The following SLC19A1 variants were observed in gnomAD, a reference collection of about 807,000 sequenced individuals.
SLC19A1 encodes the protein reduced folate transporter.
A neutral mutation model predicts 35.3 loss-of-function variants in SLC19A1; 37 were observed. The observed-to-expected ratio is 1.05, with a 90% CI of 0.81 to 1.38. The LOEUF is 1.38. Ranked by LOEUF, SLC19A1 falls within the 40% of genes most tolerant of loss-of-function variation. The pLI, the probability that SLC19A1 is intolerant of heterozygous loss-of-function variation, is 0.00. For synonymous variants in SLC19A1, 460 were observed against 398.5 expected (o/e 1.15, Z -1.84); for missense variants, 831 against 826.9 (o/e 1.00, Z -0.06).
downstream of SLC19A1, chr21:45,509,272 C>T (rs1373497856): frequency 2.6e-6 from 4 of 1,517,916 alleles, no homozygotes; most frequent in Non-Finnish European, 3.5e-6. Flanking sequence ...CAGCCCCTCT[C>T]ACCCAGCCCA....
chr21:45,546,737 T>C (rs1381377099), upstream of SLC19A1, among the ~76,000 whole-genome samples: 1 of 152,236 alleles, frequency 6.6e-6, no homozygotes, highest in East Asian at 1.9e-4. Context: ...GTTTGAAGCC[T>C]ACACTGCCTG....
chr21:45,511,064 CCACACCCCCACACACCACACACACATA>C, downstream of SLC19A1: 3 of 804,490 alleles, frequency 3.7e-6, no homozygotes, highest in Non-Finnish European at 5.7e-6. Flanking sequence ...CCACACCCAT[CCACACCCCCACACACCACACACACATA>C]CACACGGTTT....
chr21:45,532,259 T>G (rs1349130340), intron 2 of SLC19A1, 111 bp from the exon 3 acceptor site: 2 of 843,728 alleles, frequency 2.4e-6, no homozygotes, highest in East Asian at 5.0e-5. Context: ...CAACACTGCC[T>G]GGTGGGACCC....
downstream of SLC19A1, among the ~76,000 whole-genome samples, chr21:45,509,793 T>C (rs1319093533): frequency 1.3e-5 from 2 of 152,034 alleles, no homozygotes; most frequent in Admixed American, 6.5e-5. Flanking sequence ...GCAGTGGTCA[T>C]GAAAGTCCAG....
intron 5 of SLC19A1, among the ~76,000 whole-genome samples, chr21:45,522,091 C>T (rs1163726393): frequency 6.6e-5 from 10 of 151,788 alleles, no homozygotes; most frequent in South Asian, 2.1e-4. Flanking sequence ...CAACAAAGGA[C>T]TAATATCTGG....
chr21:45,531,293 G>A (rs528342343), intron 3 of SLC19A1, 96 bp downstream of exon 3: 15 of 1,478,496 alleles, frequency 1.0e-5, no homozygotes, highest in African/African-American at 4.3e-5. Flanking sequence ...GGCAGGGGGC[G>A]GGAGAGGGAG....
At chr21:45,504,812 C>T (rs911559123) in intron 3 of SLC19A1, among the ~76,000 whole-genome samples, 2 of 152,152 alleles carry the variant, frequency 1.3e-5, no homozygotes, top group East Asian at 1.9e-4. Context: ...GCATCCACCT[C>T]TGCTCCTGGG....
rs758144534 is a variant in SLC19A1 at position 45,515,506 on chromosome 21, G to A, written c.*152C>T. ...GTGTCGCCAGCACGCTGTGGCCACCGCCAGAGTGCGGCACAGGGCAGGGGG... is the reference window on the plus strand; with the variant it reads ...GTGTCGCCAGCACGCTGTGGCCACCACCAGAGTGCGGCACAGGGCAGGGGG... On this transcript the variant is annotated 3_prime_UTR_variant, in exon 6 of 6. Coordinates refer to ENST00000311124, the MANE Select transcript of SLC19A1 (RefSeq NM_194255.4). 43 of 1,510,022 alleles carry A rather than the reference G, an allele frequency of 2.8e-5. No individual in the cohort carries two copies. Among genetic ancestry groups the A allele is most frequent in the Non-Finnish European group, 3.4e-5 (39 of 1,142,842 alleles). 93.5% of individuals were successfully genotyped at this position (1,510,022 alleles called of 1,614,324 possible). A position where few individuals can be genotyped will look rare whatever the true frequency, so the allele number is the denominator to read the frequency against.
downstream of SLC19A1, chr21:45,511,304 T>G: frequency 1.3e-6 from 1 of 759,656 alleles, no homozygotes; most frequent in Non-Finnish European, 2.3e-6. Context: ...TATCTGCAGT[T>G]TCCCCCCGAG....
chr21:45,512,895 C>T lies in SLC19A1; in HGVS notation c.*2763G>A. The T allele has an allele frequency of 4.8e-6, 1 of 208,258 alleles. No individual in the cohort carries two copies. The highest frequency in any genetic ancestry group is 9.9e-6 in the Non-Finnish European group (1 of 101,052). The allele number at this position is 208,258 out of a possible 1,614,324, so 12.9% of individuals were successfully genotyped here. On this transcript the variant is annotated 3_prime_UTR_variant, in exon 6 of 6. Transcript: ENST00000311124. Reference sequence around the variant, plus strand: ...TCTGGGCTCCTCCAGGGTGTGTGCTCGCCCTGCGGTAGATGGGAGGGAGGC... The same window carrying T: ...TCTGGGCTCCTCCAGGGTGTGTGCTTGCCCTGCGGTAGATGGGAGGGAGGC...
Position 45,515,405 on chromosome 21 carries a change from CCCA to C in SLC19A1, c.*250_*252del. 1 of 1,423,468 alleles carries C rather than the reference CCCA, an allele frequency of 7.0e-7. No homozygotes were observed. The highest frequency in any genetic ancestry group is 9.1e-7 in the Non-Finnish European group (1 of 1,100,716). 88.2% of individuals were successfully genotyped at this position (1,423,468 alleles called of 1,614,324 possible). A position where few individuals can be genotyped will look rare whatever the true frequency, so the allele number is the denominator to read the frequency against. On this transcript the variant is annotated 3_prime_UTR_variant, in exon 6 of 6. Transcript: ENST00000311124. ...CAGTGAGGCCTGGTGGACGCAGAAG[CCCA>C]CCACCCACCTCTTCCAGCAACAAAG...
At chr21:45,507,588 G>C (rs760778769), downstream of SLC19A1, 2 of 1,613,102 alleles carry the variant, frequency 1.2e-6, no homozygotes, top group South Asian at 1.1e-5. Context: ...ACTCCCACGA[G>C]GGACGGTAAG....
At chr21:45,549,609 A>C (rs916985443) in intron 1 of SLC19A1, among the ~76,000 whole-genome samples, 1 of 135,322 alleles carries the variant, frequency 7.4e-6, no homozygotes, top group African/African-American at 2.9e-5. Flanking sequence ...GCCTCGGGAG[A>C]AAAGGGCAGT....
intron 1 of SLC19A1, among the ~76,000 whole-genome samples, chr21:45,551,772 A>G (rs1483962327): frequency 6.6e-6 from 1 of 152,232 alleles, no homozygotes; most frequent in Non-Finnish European, 1.5e-5. Context: ...TTTTATATGA[A>G]TAAAATCTAA....
In SLC19A1 at chr21:45,531,811, G is replaced by C; in HGVS notation, c.527C>G (p.Thr176Ser). 6.3e-7 allele frequency: 1 copy of C among 1,592,540 alleles called. No homozygotes were observed. Reference sequence around the variant, plus strand: ...CGTGGAGAAGGAGACTCGGCCCACAGTGACCAGCAGCTGGCCCAGCACGGA... The same window carrying C: ...CGTGGAGAAGGAGACTCGGCCCACACTGACCAGCAGCTGGCCCAGCACGGA... ...TSSVLGQLLV[T>S]VGRVSFSTLN... The change falls in exon 3 of 6, where the codon ACT becomes AGT. Residue 176 changes from threonine (T) to serine (S), a missense_variant. By Grantham distance (58) the Thr-to-Ser change is moderately conservative. Transcript: ENST00000311124.
At chr21:45,503,875 C>A in intron 3 of SLC19A1, 1 of 770,358 alleles carries the variant, frequency 1.3e-6, no homozygotes, top group East Asian at 2.6e-5. Flanking sequence ...TAGGAAGAAC[C>A]TAATTAAATA....
intron 3 of SLC19A1, chr21:45,506,417 C>T (rs1602625244): frequency 3.1e-6 from 1 of 323,938 alleles, no homozygotes; most frequent in Non-Finnish European, 6.0e-6. Flanking sequence ...TGAAATGCAT[C>T]CTCTCTGCTT....
intron 3 of SLC19A1, chr21:45,505,247 G>T (rs367651350): frequency 1.3e-6 from 2 of 1,574,158 alleles, no homozygotes; most frequent in Admixed American, 1.7e-5. Context: ...GCCCCCCAGG[G>T]CCCCCTTCAT....
chr21:45,539,968 G>A (rs899606219), intron 1 of SLC19A1, among the ~76,000 whole-genome samples: 6 of 152,310 alleles, frequency 3.9e-5, no homozygotes, highest in African/African-American at 1.4e-4. Flanking sequence ...CAAAGGGCCA[G>A]GATGAAAACA....
Sources: allele counts gnomAD v4.1 joint callset (sites outside exome capture counted in the v4.1 genomes callset), GRCh38; gene constraint gnomAD v4.1.1; transcripts MANE v1.5; gene names NCBI Gene and HGNC (gene_info 2026-07-23, HGNC 2026-07-21).